Variants in COL5A3 observed in about 807,000 individuals in gnomAD.
COL5A3 encodes collagen type V alpha 3 chain, also known as collagen alpha-3(V) chain.
A neutral mutation model predicts 250.0 loss-of-function variants in COL5A3; 172 were observed. That is an observed-to-expected ratio of 0.69 (90% CI 0.61 to 0.78). The LOEUF is 0.78. COL5A3 is among the 30% of genes least tolerant of loss of function. COL5A3 has a pLI of 0.00. For missense variants in COL5A3, 2,340 were observed against 2,334.4 expected (o/e 1.00, Z -0.05); for synonymous variants, 937 against 900.4 (o/e 1.04, Z -0.73).
rs1436151425 is a variant in COL5A3, at chr19:9,997,353, C to A, written c.1263+18G>T. The stretch of plus-strand genomic sequence containing the variant: ...CTCACTCCTCTGAGAAGTGTACACC[C>A]CAGTGGGAGTCTCTTACCGGTGGAC... On this transcript the variant is annotated intron_variant, in intron 11 of 66. Transcript: ENST00000264828. 7 of 1,596,778 alleles carry A rather than the reference C, an allele frequency of 4.4e-6. No homozygotes were observed. Among genetic ancestry groups the A allele is most frequent in the Non-Finnish European group, 6.0e-6 (7 of 1,168,060 alleles).
chr19:9,976,483 C>T, intron 45 of COL5A3, 75 bp downstream of exon 45: 2 of 1,130,182 alleles, frequency 1.8e-6, no homozygotes, highest in Non-Finnish European at 2.5e-6. Flanking sequence ...AGTCAGTGTG[C>T]TTCCACTGTC....
rs1467359120 is a variant in COL5A3 at position 9,963,016 on chromosome 19, C to T, written c.4783-129G>A. On this transcript the variant is annotated intron_variant, in intron 64 of 66. Transcript: ENST00000264828. ...GATGTTCTCTGGCTTCTGGGATGGA[C>T]GAGCTCTGCCAGTGCACAATGGGGG... 9.3e-5 allele frequency: 64 copies of T among 686,468 alleles called. 1 individual carries two copies. The South Asian group carries it at 1.1e-3, about 12-fold the overall frequency. 42.5% of individuals were successfully genotyped at this position (686,468 alleles called of 1,614,324 possible). A position where few individuals can be genotyped will look rare whatever the true frequency, so the allele number is the denominator to read the frequency against.
intron 31 of COL5A3, among the ~76,000 whole-genome samples, chr19:9,984,609 C>A (rs934494958): frequency 1.3e-5 from 2 of 152,024 alleles, no homozygotes; most frequent in African/African-American, 4.8e-5. Flanking sequence ...ATAAAAGGAT[C>A]CTACAGTTTT....
chr19:9,967,288 T>G, intron 62 of COL5A3, 59 bp downstream of exon 62: 1 of 1,273,352 alleles, frequency 7.9e-7, no homozygotes, highest in Non-Finnish European at 1.0e-6. Context: ...CACCCAGACA[T>G]AGTCCTTGCT....
intron 61 of COL5A3, 42 bp downstream of exon 61, chr19:9,967,862 G>A (rs780628619): frequency 6.9e-6 from 11 of 1,595,840 alleles, no homozygotes; most frequent in South Asian, 2.3e-5. Flanking sequence ...AAGGGGGTGG[G>A]GAGCTGGGAT....
chr19:9,968,980 T>G lies in COL5A3; in HGVS notation c.4153-252A>C. ...GGGTGATCAGTGTAGACCATTAAGA[T>G]GGAGAGTCAGTGCAGGCATCAAGAT... On this transcript the variant is annotated intron_variant, in intron 57 of 66. Transcript: ENST00000264828. The surrounding 1 kb of genome is among the most constrained non-coding windows in gnomAD (Gnocchi z 4.1). 1 of 593,586 alleles carries G rather than the reference T, an allele frequency of 1.7e-6. No individual in the cohort carries two copies. The highest frequency in any genetic ancestry group is 3.0e-6 in the Non-Finnish European group (1 of 337,844). The allele number at this position is 593,586 out of a possible 1,614,324, so 36.8% of individuals were successfully genotyped here. A position where few individuals can be genotyped will look rare whatever the true frequency, so the allele number is the denominator to read the frequency against.
intron 4 of COL5A3, among the ~76,000 whole-genome samples, chr19:10,004,623 G>A (rs8107816): frequency 0.01 from 1,566 of 152,212 alleles, 28 homozygotes; most frequent in African/African-American, 0.036. Flanking sequence ...GAGCCACCGC[G>A]CCCGGCCAAG....
chr19:9,970,191 TCTGTGGGTGAGTGGGG>T (rs1568407299), intron 54 of COL5A3, among the ~76,000 whole-genome samples: 398 of 8,318 alleles, frequency 0.048, 5 homozygotes, highest in Middle Eastern at 0.1. Flanking sequence ...GTGAGTGGGG[TCTGTGGGTGAGTGGGG>T]GCTGTGGGTG....
Position 9,992,548 on chromosome 19 carries a change from G to A in COL5A3, c.1848+279C>T, listed in dbSNP as rs549535267. Among the ~76,000 whole-genome samples, 5 of 152,274 alleles carry A rather than the reference G, an allele frequency of 3.3e-5. 1 individual carries two copies. In the East Asian group the frequency reaches 9.6e-4, roughly 29 times the overall value. ...CTCAGGCCTGTAATCCCAGCACTTTGGGAGGACCACTTGAGGCCAGGAGTT... is the reference window on the plus strand; with the variant it reads ...CTCAGGCCTGTAATCCCAGCACTTTAGGAGGACCACTTGAGGCCAGGAGTT... On this transcript the variant is annotated intron_variant, in intron 21 of 66. Coordinates refer to ENST00000264828, the MANE Select transcript of COL5A3 (RefSeq NM_015719.4).
In COL5A3 at chr19:9,998,146, C is replaced by G. The variant is rs1434357038; in HGVS notation, c.1114G>C (p.Ala372Pro). 1 of 1,613,426 alleles carries G rather than the reference C, an allele frequency of 6.2e-7. No individual in the cohort carries two copies. The highest frequency in any genetic ancestry group is 1.6e-4 in the Middle Eastern group (1 of 6,062). The change falls in exon 9 of 67, where the codon GCT (alanine) becomes CCT (proline). Residue 372 changes from alanine (A) to proline (P), a missense_variant. By Grantham distance (27) the Ala-to-Pro change is conservative (BLOSUM62 -1). Coordinates refer to ENST00000264828, the MANE Select transcript of COL5A3 (RefSeq NM_015719.4). ...SRTQFQIFPG[A>P]GEKGAKGEPA... is the part of the protein sequence containing the mutation. Reference sequence around the variant, plus strand: ...TCTCCTTTTGCTCCTTTCTCTCCAGCACCCTGGGGTGGGGTCAGGGGAGAT... The same window carrying G: ...TCTCCTTTTGCTCCTTTCTCTCCAGGACCCTGGGGTGGGGTCAGGGGAGAT...
chr19:9,991,659 A>T lies in COL5A3; in HGVS notation c.1948-5T>A. 1 of 1,612,320 alleles carries T rather than the reference A, an allele frequency of 6.2e-7. No homozygotes were observed. The highest frequency in any genetic ancestry group is 8.5e-7 in the Non-Finnish European group (1 of 1,179,224). ...TCCCTGGGGACCGGGGAGTCCCTGGAGACAGAAAAAGAAGATGAGAGAAGG... is the reference window on the plus strand; with the variant it reads ...TCCCTGGGGACCGGGGAGTCCCTGGTGACAGAAAAAGAAGATGAGAGAAGG... On this transcript the variant is annotated splice_region_variant and splice_polypyrimidine_tract_variant and intron_variant, in intron 23 of 66. Coordinates refer to ENST00000264828, the MANE Select transcript of COL5A3 (RefSeq NM_015719.4).
In COL5A3 at chr19:9,971,247, C is replaced by T. The variant is rs764923426; in HGVS notation, c.3786G>A (p.Gly1262=). The T allele has an allele frequency of 1.9e-6, 3 of 1,563,706 alleles. No homozygotes were observed. The highest frequency in any genetic ancestry group is 2.1e-5 in the Admixed American group (1 of 46,738). The change falls in exon 52 of 67, where the codon GGG becomes GGA. Residue 1262 remains glycine (G), a synonymous_variant. Transcript: ENST00000264828. The part of the protein sequence containing the change: ...DGAKGSVGPT[G]LPGDLGPPGD... The stretch of plus-strand genomic sequence containing the variant: ...CTGGGGGCCCTAGATCTCCGGGCAG[C>T]CCCGTGGGGCCCTGGAACACAGAAT...
At chr19:10,004,640 A>C (rs1309481950) in intron 4 of COL5A3, among the ~76,000 whole-genome samples, 3 of 152,094 alleles carry the variant, frequency 2.0e-5, no homozygotes, top group African/African-American at 4.8e-5. Flanking sequence ...CAAGACCATA[A>C]ATTGTGACGA....
chr19:9,969,629 T>C lies in COL5A3; in HGVS notation c.4044A>G (p.Arg1348=), dbSNP rs1407622074. The change falls in exon 56 of 67, where the codon AGA becomes AGG. Residue 1348 remains arginine (R), a synonymous_variant. Coordinates refer to ENST00000264828, the MANE Select transcript of COL5A3 (RefSeq NM_015719.4). The stretch of plus-strand genomic sequence containing the variant: ...CAGGCCCCACACGTCCAGGGGGCCC[T>C]CTAGCCCCCATTGGACCCGTCCTCC... ...PPGRTGPMGA[R]GPPGRVGPEG... 1.3e-6 allele frequency: 2 copies of C among 1,594,412 alleles called. No homozygotes were observed. The highest frequency in any genetic ancestry group is 1.9e-5 in the Admixed American group (1 of 52,900).
Position 9,988,855 on chromosome 19 carries a change from A to AAAAAAAAAAGAGAGAGAGAAAG in COL5A3, c.2145+268_2145+269insCTTTCTCTCTCTCTTTTTTTTT, listed in dbSNP as rs1269531312. On this transcript the variant is annotated intron_variant, in intron 27 of 66. Coordinates refer to ENST00000264828, the MANE Select transcript of COL5A3 (RefSeq NM_015719.4). ...TCTCAAAAAAAAAAAAAAAAAAAAAAAAAGAAAGTAAAGAAAAGAAAAGGA... is the reference window on the plus strand; with the variant it reads ...TCTCAAAAAAAAAAAAAAAAAAAAAAAAAAAAAAAGAGAGAGAGAAAGAAAGAAAGTAAAGAAAAGAAAAGGA... 3.2e-4 allele frequency among the ~76,000 whole-genome samples: 33 copies of AAAAAAAAAAGAGAGAGAGAAAG among 104,690 alleles called. 1 individual carries two copies. The highest frequency in any genetic ancestry group is 1.3e-3 in the African/African-American group (29 of 22,330). The allele number at this position is 104,690 out of a possible 152,430, so 68.7% of individuals were successfully genotyped here. A position where few individuals can be genotyped will look rare whatever the true frequency, so the allele number is the denominator to read the frequency against.
intron 8 of COL5A3, among the ~76,000 whole-genome samples, chr19:10,000,646 G>A (rs2087346846): frequency 6.6e-6 from 1 of 151,630 alleles, no homozygotes; most frequent in African/African-American, 2.4e-5. Context: ...CTTCACAAGT[G>A]CTCAAGTGGC....
intron 53 of COL5A3, 97 bp from the exon 54 acceptor site, chr19:9,970,772 C>T (rs2086833903): frequency 3.6e-6 from 4 of 1,124,886 alleles, no homozygotes; most frequent in Non-Finnish European, 4.8e-6. Context: ...CTTCCCCAAG[C>T]CTCACCCCAG....
In COL5A3 at chr19:10,003,721, G is replaced by A. The variant is rs2145142699; in HGVS notation, c.700-7C>T. Reference sequence around the variant, plus strand: ...CTGGTTCACCCTGGGGAGCCTGGGAGAAGGGTTCCAGTCAGGTCTAGAGCA... The same window carrying A: ...CTGGTTCACCCTGGGGAGCCTGGGAAAAGGGTTCCAGTCAGGTCTAGAGCA... On this transcript the variant is annotated splice_region_variant and splice_polypyrimidine_tract_variant and intron_variant, in intron 5 of 66. Coordinates refer to ENST00000264828, the MANE Select transcript of COL5A3 (RefSeq NM_015719.4). The A allele has an allele frequency of 1.2e-6, 2 of 1,613,976 alleles. No individual in the cohort carries two copies.
intron 41 of COL5A3, among the ~76,000 whole-genome samples, chr19:9,977,985 T>TATATATATATATATATATATA (rs2086949247): frequency 3.0e-5 from 4 of 131,944 alleles, no homozygotes; most frequent in Non-Finnish European, 5.0e-5. Flanking sequence ...TATATATATA[T>TATATATATATATATATATATA]TTGTAGAGAC....
Sources: gnomAD v4.1 joint callset for allele counts (sites outside exome capture counted in the v4.1 genomes callset) on GRCh38, gnomAD v4.1.1 for gene constraint, Gnocchi (gnomAD v3.1) non-coding constraint, MANE v1.5 for transcripts, NCBI Gene and HGNC (gene_info 2026-07-23, HGNC 2026-07-21) for gene names.